The following CTNNA2 variants were observed in gnomAD, a reference collection of about 807,000 sequenced individuals.
CTNNA2 encodes catenin alpha 2.
CTNNA2 carries 42 observed loss-of-function variants against 101.0 expected under a neutral mutation model. The ratio of observed to expected loss-of-function variants is 0.42; its 90% confidence interval spans 0.32 to 0.54. The LOEUF (loss-of-function observed/expected upper bound fraction) is 0.54. CTNNA2 is among the 20% of genes least tolerant of loss of function. The pLI, the probability that CTNNA2 is intolerant of heterozygous loss-of-function variation, is 0.14. For missense variants in CTNNA2, 871 were observed against 1,223.1 expected, an observed-to-expected ratio of 0.71 and a Z score of 4.29; for synonymous variants, 450 against 456.4, an observed-to-expected ratio of 0.99 and a Z score of 0.18.
chr2:79,740,211 T>C (rs2104967314), intron 2 of CTNNA2, among the ~76,000 whole-genome samples: 1 of 152,286 alleles, frequency 6.6e-6, no homozygotes, highest in East Asian at 1.9e-4. Context: ...TTCCCATCTT[T>C]GTGTCCATGT....
chr2:80,097,705 C>A (rs966970032), intron 7 of CTNNA2, among the ~76,000 whole-genome samples: 1 of 152,148 alleles, frequency 6.6e-6, no homozygotes, highest in Non-Finnish European at 1.5e-5. Context: ...TTGTTCATTT[C>A]TTTTTATTGT....
chr2:80,597,071 T>C lies in CTNNA2; in HGVS notation c.2190-7003T>C, dbSNP rs544376140. On this transcript the variant is annotated intron_variant, in intron 15 of 18. Transcript: ENST00000402739. The stretch of plus-strand genomic sequence containing the variant: ...AGGGATGAACTCAACTTGATCATGG[T>C]GGATAAGCTTTTTGATGTGCTGCTG... Among the ~76,000 whole-genome samples, 3 of 152,274 alleles carry C rather than the reference T, an allele frequency of 2.0e-5. No homozygotes were observed. In the South Asian group the frequency reaches 6.2e-4, roughly 32 times the overall value.
At chr2:79,467,010 G>C (rs990403936) in intron 4 of CTNNA2, among the ~76,000 whole-genome samples, 1 of 152,218 alleles carries the variant, frequency 6.6e-6, no homozygotes, top group Non-Finnish European at 1.5e-5. Flanking sequence ...GCTAACAATG[G>C]AACAAAGCTG....
At chr2:80,458,107 A>C (rs1302273690) in intron 9 of CTNNA2, among the ~76,000 whole-genome samples, 1 of 152,222 alleles carries the variant, frequency 6.6e-6, no homozygotes, top group Non-Finnish European at 1.5e-5. Context: ...GCAGCTATAG[A>C]AATAAGTTGT....
At chr2:79,693,885 ATTAGGATT>A (rs1439202577) in intron 2 of CTNNA2, among the ~76,000 whole-genome samples, 1 of 151,992 alleles carries the variant, frequency 6.6e-6, no homozygotes, top group Non-Finnish European at 1.5e-5. Flanking sequence ...GATAAATAAA[ATTAGGATT>A]TTAGAGCATC....
chr2:79,331,000 T>C (rs1436688099), intron 3 of CTNNA2, among the ~76,000 whole-genome samples: 1 of 152,214 alleles, frequency 6.6e-6, no homozygotes, highest in African/African-American at 2.4e-5. Flanking sequence ...AAAAAGGAAT[T>C]TGAACCTATG....
chr2:80,135,189 C>T (rs1423030715), intron 7 of CTNNA2, among the ~76,000 whole-genome samples: 1 of 152,142 alleles, frequency 6.6e-6, no homozygotes, highest in Admixed American at 6.5e-5. Context: ...TCAGGGCCAA[C>T]AGAGAGAGAC....
intron 9 of CTNNA2, among the ~76,000 whole-genome samples, chr2:80,476,820 C>T (rs1012544044): frequency 6.6e-6 from 1 of 152,250 alleles, no homozygotes; most frequent in Non-Finnish European, 1.5e-5. Flanking sequence ...ACATGTTGTT[C>T]ACCTGCTTAG....
chr2:80,364,136 T>A (rs1227256253), intron 7 of CTNNA2, among the ~76,000 whole-genome samples: 2 of 152,102 alleles, frequency 1.3e-5, no homozygotes, highest in Non-Finnish European at 2.9e-5. Flanking sequence ...TCCTTTCAGG[T>A]CCTCGGAGAC....
At chr2:79,454,929 C>T (rs1453477965) in intron 4 of CTNNA2, among the ~76,000 whole-genome samples, 1 of 152,126 alleles carries the variant, frequency 6.6e-6, no homozygotes, top group East Asian at 1.9e-4. Flanking sequence ...TTATATAAAT[C>T]TTAACTACAA....
intron 18 of CTNNA2, among the ~76,000 whole-genome samples, chr2:80,634,951 A>T (rs1672716810): frequency 6.6e-6 from 1 of 152,140 alleles, no homozygotes; most frequent in African/African-American, 2.4e-5. Flanking sequence ...AGTTAATCAT[A>T]GAGCTCTCAC....
intron 2 of CTNNA2, among the ~76,000 whole-genome samples, chr2:79,253,808 A>G (rs965971264): frequency 6.6e-6 from 1 of 152,256 alleles, no homozygotes; most frequent in Admixed American, 6.5e-5. Flanking sequence ...GAATAAAAGA[A>G]GAGCATGTGT....
intron 7 of CTNNA2, among the ~76,000 whole-genome samples, chr2:80,075,757 TATACTTGTATAAATATTATAAA>T (rs1698698058): frequency 1.5e-5 from 2 of 132,798 alleles, no homozygotes; most frequent in East Asian, 2.2e-4. Context: ...AAATAATATT[TATACTTGTATAAATATTATAAA>T]ATAATATTTA....
chr2:79,195,819 C>T (rs1673952179), intron 1 of CTNNA2: 1 of 514,734 alleles, frequency 1.9e-6, no homozygotes, highest in Non-Finnish European at 3.9e-6. Flanking sequence ...GCATAGGGAG[C>T]TGAATCAATA....
At chr2:79,724,911 C>T (rs946577399) in intron 2 of CTNNA2, among the ~76,000 whole-genome samples, 43 of 151,674 alleles carry the variant, frequency 2.8e-4, no homozygotes, top group African/African-American at 1.0e-3. Flanking sequence ...GTCTACTCTG[C>T]GGTACTCCCT....
rs767640018 is a variant in CTNNA2 at position 80,303,136 on chromosome 2, G to A, written c.1057-90075G>A. 8 of 1,614,036 alleles carry A rather than the reference G, an allele frequency of 5.0e-6. No individual in the cohort carries two copies. The highest frequency in any genetic ancestry group is 1.7e-5 in the Admixed American group (1 of 60,004). ...AGTGCAGGGAGATGAGGCGCGGGAA[G>A]TGGGCGAAGTTCACCTTGACCAAGT... On this transcript the variant is annotated intron_variant, in intron 7 of 18. Coordinates refer to ENST00000402739, the MANE Select transcript of CTNNA2 (RefSeq NM_001282597.3). This position sits in a 1 kb window ranked among gnomAD's most constrained non-coding sequence, Gnocchi z 7.7.
At chr2:79,720,484 T>C (rs2104859346) in intron 2 of CTNNA2, among the ~76,000 whole-genome samples, 1 of 152,270 alleles carries the variant, frequency 6.6e-6, no homozygotes, top group South Asian at 2.1e-4. Context: ...CTTTAGGCAC[T>C]ATGGTCATTT....
chr2:80,490,914 T>C (rs1454356063), intron 9 of CTNNA2, among the ~76,000 whole-genome samples: 1 of 152,176 alleles, frequency 6.6e-6, no homozygotes, highest in Non-Finnish European at 1.5e-5. Context: ...TGAACTGCCA[T>C]TAAAGATAGA....
chr2:80,328,053 A>G (rs1289043886), intron 7 of CTNNA2, among the ~76,000 whole-genome samples: 2 of 152,234 alleles, frequency 1.3e-5, no homozygotes, highest in Admixed American at 6.5e-5. Flanking sequence ...CACAGTTAAT[A>G]TGAAATGAGA....
Sources: allele counts gnomAD v4.1 joint callset (sites outside exome capture counted in the v4.1 genomes callset), GRCh38; gene constraint gnomAD v4.1.1; non-coding constraint Gnocchi (gnomAD v3.1); transcripts MANE v1.5; gene names NCBI Gene and HGNC (gene_info 2026-07-23, HGNC 2026-07-21).